Variants in TANC2 observed in about 807,000 individuals in gnomAD.
TANC2 encodes the protein tetratricopeptide repeat, ankyrin repeat and coiled-coil containing 2.
A neutral mutation model predicts 210.5 loss-of-function variants in TANC2; 26 were observed. The ratio of observed to expected loss-of-function variants is 0.12; its 90% CI spans 0.09 to 0.17. The LOEUF (loss-of-function observed/expected upper bound fraction) is 0.17. Ranked by LOEUF, TANC2 falls within the 10% of genes least tolerant of loss-of-function variation. TANC2 has a pLI of 1.00. For missense variants in TANC2, 2,129 were observed against 2,608.9 expected (o/e 0.82, Z 4.01); for synonymous variants, 931 against 967.1 (o/e 0.96, Z 0.69).
chr17:62,970,639 A>G (rs139454518), intron 1 of TANC2, among the ~76,000 whole-genome samples: 4 of 152,318 alleles, frequency 2.6e-5, no homozygotes, highest in Admixed American at 2.6e-4. Context: ...GATTGAATAT[A>G]TGGTAGAACA....
intron 5 of TANC2, among the ~76,000 whole-genome samples, chr17:63,183,608 C>G (rs909424729): frequency 6.6e-6 from 1 of 152,184 alleles, no homozygotes; most frequent in Admixed American, 6.5e-5. Flanking sequence ...CCAGACTCCA[C>G]CACTGTGTCA....
intron 2 of TANC2, among the ~76,000 whole-genome samples, chr17:63,029,780 T>C (rs1461412157): frequency 3.3e-5 from 5 of 152,082 alleles, no homozygotes. Flanking sequence ...ACAGCAACAA[T>C]ATACTTGGAG....
chr17:63,077,376 A>G (rs974148434), intron 3 of TANC2, among the ~76,000 whole-genome samples: 1 of 152,194 alleles, frequency 6.6e-6, no homozygotes, highest in Non-Finnish European at 1.5e-5. Flanking sequence ...GATCCATCAA[A>G]TGAAAAAGTC....
rs1013360958 is a variant in TANC2, at chr17:63,310,233, G to A, written c.1160-4155G>A. Among the ~76,000 whole-genome samples, 6 of 152,260 alleles carry A rather than the reference G, an allele frequency of 3.9e-5. No homozygotes were observed. The South Asian group carries it at 1.0e-3, about 26-fold the overall frequency. ...AGGCCAAGGCAGGTGGATCACTTAAGGTCAGGAGTTCGAGACCAGCCTGGC... is the reference window on the plus strand; with the variant it reads ...AGGCCAAGGCAGGTGGATCACTTAAAGTCAGGAGTTCGAGACCAGCCTGGC... On this transcript the variant is annotated intron_variant, in intron 9 of 27. Transcript: ENST00000689528.
At chr17:63,095,647 C>T (rs2037359494) in intron 3 of TANC2, among the ~76,000 whole-genome samples, 1 of 152,152 alleles carries the variant, frequency 6.6e-6, no homozygotes, top group South Asian at 2.1e-4. Flanking sequence ...CTAGCCCTAT[C>T]ATGCCCAACC....
intron 2 of TANC2, among the ~76,000 whole-genome samples, chr17:63,016,145 C>T (rs1438451951): frequency 2.0e-5 from 3 of 152,034 alleles, no homozygotes; most frequent in Non-Finnish European, 2.9e-5. Context: ...TAATGTACTA[C>T]AAGAAGTAGA....
At chr17:63,410,270 C>T (rs1469058236) in intron 21 of TANC2, among the ~76,000 whole-genome samples, 2 of 151,856 alleles carry the variant, frequency 1.3e-5, no homozygotes, top group East Asian at 1.9e-4. Flanking sequence ...TAACTAGTAC[C>T]GTAGATCTCT....
At chr17:62,980,437 C>G (rs1300813009) in intron 1 of TANC2, among the ~76,000 whole-genome samples, 1 of 152,124 alleles carries the variant, frequency 6.6e-6, no homozygotes, top group African/African-American at 2.4e-5. Flanking sequence ...AGGAAATGTT[C>G]ATTGGAAGAT....
intron 6 of TANC2, among the ~76,000 whole-genome samples, chr17:63,200,232 A>G (rs1034705689): frequency 3.3e-5 from 5 of 152,040 alleles, no homozygotes; most frequent in Admixed American, 2.6e-4. Context: ...GCGCATGCCT[A>G]TAATCCCAGC....
At chr17:63,073,786 G>A (rs906466187) in intron 2 of TANC2, among the ~76,000 whole-genome samples, 157 bp from the exon 3 acceptor site, 1 of 152,010 alleles carries the variant, frequency 6.6e-6, no homozygotes, top group Non-Finnish European at 1.5e-5. Flanking sequence ...AGAACCATTG[G>A]TTTATATAAG....
chr17:63,388,569 A>T, intron 15 of TANC2, 66 bp from the exon 16 acceptor site: 1 of 1,513,278 alleles, frequency 6.6e-7, no homozygotes, highest in Non-Finnish European at 8.9e-7. Context: ...AGAGGCCACT[A>T]ATTCACCACT....
chr17:63,049,787 G>A (rs2035512533), intron 2 of TANC2, among the ~76,000 whole-genome samples: 1 of 152,180 alleles, frequency 6.6e-6, no homozygotes, highest in Admixed American at 6.6e-5. Context: ...AGAGAAACCA[G>A]GTTAGTCATG....
chr17:63,422,160 G>C, exon 28 of TANC2: 1 of 573,346 alleles, frequency 1.7e-6, no homozygotes, highest in Non-Finnish European at 3.0e-6. Flanking sequence ...TCTCTTGTCT[G>C]TGCCCAGCCA....
intron 18 of TANC2, chr17:63,396,564 G>A (rs566511309): frequency 6.5e-6 from 1 of 153,090 alleles, no homozygotes; most frequent in Non-Finnish European, 1.5e-5. Context: ...TGGAACAGGG[G>A]TGTGTGTTTG....
intron 2 of TANC2, among the ~76,000 whole-genome samples, chr17:63,020,629 T>C (rs1368184943): frequency 6.6e-6 from 1 of 152,224 alleles, no homozygotes; most frequent in African/African-American, 2.4e-5. Context: ...GAGTCTGGGT[T>C]AAATTCTGTG....
rs367668028 is a variant in TANC2, at chr17:62,981,527, C to T, written c.-24+14778C>T. On this transcript the variant is annotated intron_variant, in intron 1 of 27. Coordinates refer to ENST00000689528, the Ensembl canonical transcript of TANC2. ...CCTGAAAGTCTCTAGCTTTGTATCT[C>T]ATGTCATCTGACTATATTACCTACA... Among the ~76,000 whole-genome samples, 22 of 152,318 alleles carry T rather than the reference C, an allele frequency of 1.4e-4. No individual in the cohort carries two copies. In the South Asian group the frequency reaches 4.4e-3, roughly 30 times the overall value.
chr17:63,290,862 A>G (rs904096743), intron 9 of TANC2, among the ~76,000 whole-genome samples: 14 of 152,210 alleles, frequency 9.2e-5, no homozygotes, highest in Non-Finnish European at 1.8e-4. Context: ...CATAAGCTAC[A>G]ATGCATATTG....
intron 3 of TANC2, among the ~76,000 whole-genome samples, chr17:63,091,151 T>C (rs1050145740): frequency 1.5e-5 from 2 of 133,018 alleles, no homozygotes; most frequent in East Asian, 4.3e-4. Context: ...TTTCTCCCAT[T>C]CTGTAGGTTG....
chr17:63,109,103 GA>G (rs2037935836), intron 4 of TANC2, among the ~76,000 whole-genome samples: 1 of 151,486 alleles, frequency 6.6e-6, no homozygotes, highest in Admixed American at 6.6e-5. Flanking sequence ...GTACTCTATG[GA>G]AAAGTCATTA....
Sources: allele counts gnomAD v4.1 joint callset (sites outside exome capture counted in the v4.1 genomes callset), GRCh38; gene constraint gnomAD v4.1.1; transcripts MANE v1.5; gene names NCBI Gene and HGNC (gene_info 2026-07-23, HGNC 2026-07-21).